The following SLC35F3 variants were observed in gnomAD, a reference collection of about 807,000 sequenced individuals.
SLC35F3 encodes the protein putative thiamine transporter SLC35F3.
Under a neutral mutation model 49.9 loss-of-function variants are expected in SLC35F3, and 25 were observed. That is an observed-to-expected ratio of 0.50 (90% CI 0.37 to 0.70). The LOEUF is 0.70. Among genes scored for constraint, SLC35F3 ranks in the 30% least tolerant of loss-of-function variants. SLC35F3 has a pLI of 0.00. For missense variants in SLC35F3, 525 were observed against 639.8 expected, an observed-to-expected ratio of 0.82 and a Z score of 1.94; for synonymous variants, 275 against 265.4, an observed-to-expected ratio of 1.04 and a Z score of -0.35.
At chr1:233,910,010 G>C (rs957582737) in intron 2 of SLC35F3, among the ~76,000 whole-genome samples, 1 of 152,204 alleles carries the variant, frequency 6.6e-6, no homozygotes, top group Admixed American at 6.5e-5. Flanking sequence ...GGCAGTGCAA[G>C]TGTCTTCTGA....
At chr1:234,307,891 G>T (rs1657238780) in intron 3 of SLC35F3, among the ~76,000 whole-genome samples, 1 of 152,152 alleles carries the variant, frequency 6.6e-6, no homozygotes. Flanking sequence ...AAGGAAAGAG[G>T]CAGCTGTCAA....
chr1:234,296,194 C>A (rs1172215813), intron 3 of SLC35F3, among the ~76,000 whole-genome samples: 1 of 152,140 alleles, frequency 6.6e-6, no homozygotes, highest in East Asian at 1.9e-4. Context: ...CCTGAGCCGC[C>A]TATTCCATTT....
At chr1:234,059,173 G>A (rs4920169) in intron 2 of SLC35F3, among the ~76,000 whole-genome samples, 83,646 of 150,508 alleles carry the variant, frequency 0.56, 24,258 homozygotes, top group Non-Finnish European at 0.66. Context: ...TCTCTATATC[G>A]GTAAGTTCCA....
chr1:234,307,405 G>C (rs1242997658), intron 3 of SLC35F3, among the ~76,000 whole-genome samples: 1 of 152,104 alleles, frequency 6.6e-6, no homozygotes, highest in East Asian at 1.9e-4. Context: ...AATATCCCAG[G>C]CTCTCATGCC....
intron 2 of SLC35F3, among the ~76,000 whole-genome samples, chr1:234,013,129 G>T (rs1405102774): frequency 6.6e-6 from 1 of 152,152 alleles, no homozygotes; most frequent in Admixed American, 6.5e-5. Flanking sequence ...AATTGTATCA[G>T]ATATCTTTTC....
chr1:234,291,193 C>A (rs928203604), intron 3 of SLC35F3, among the ~76,000 whole-genome samples: 2 of 152,200 alleles, frequency 1.3e-5, no homozygotes, highest in African/African-American at 4.8e-5. Flanking sequence ...AAGCAACAGG[C>A]AATACCCGTC....
At chr1:234,149,572 C>T (rs1572070470) in intron 2 of SLC35F3, among the ~76,000 whole-genome samples, 1 of 152,184 alleles carries the variant, frequency 6.6e-6, no homozygotes, top group Non-Finnish European at 1.5e-5. Context: ...TCCCTGATGG[C>T]TTCCTCCATG....
intron 2 of SLC35F3, among the ~76,000 whole-genome samples, chr1:234,069,695 C>G (rs1012463356): frequency 1.3e-5 from 2 of 152,198 alleles, no homozygotes; most frequent in East Asian, 1.9e-4. Context: ...GTCCTCAGAA[C>G]AGGGGTCCCA....
At chr1:234,021,275 G>C (rs1461573557) in intron 2 of SLC35F3, among the ~76,000 whole-genome samples, 2 of 152,170 alleles carry the variant, frequency 1.3e-5, no homozygotes, top group African/African-American at 4.8e-5. Context: ...AAGCTGGGCA[G>C]TAATGGAAGG....
intron 2 of SLC35F3, among the ~76,000 whole-genome samples, chr1:234,106,533 C>T (rs536806517): frequency 4.6e-5 from 7 of 152,252 alleles, no homozygotes; most frequent in African/African-American, 1.7e-4. Context: ...CCTCACATGG[C>T]GTTTCCTCCA....
intron 2 of SLC35F3, among the ~76,000 whole-genome samples, chr1:234,126,167 C>T (rs542722799): frequency 6.6e-6 from 1 of 152,298 alleles, no homozygotes; most frequent in South Asian, 2.1e-4. Flanking sequence ...GGACTATTTT[C>T]TAACTGCATC....
At chr1:234,073,564 T>C (rs1006380631) in intron 2 of SLC35F3, among the ~76,000 whole-genome samples, 11 of 152,156 alleles carry the variant, frequency 7.2e-5, no homozygotes, top group African/African-American at 2.7e-4. Flanking sequence ...GAACAAACCA[T>C]TCAGCCTATC....
chr1:234,094,703 G>C (rs929413848), intron 2 of SLC35F3, among the ~76,000 whole-genome samples: 3 of 152,164 alleles, frequency 2.0e-5, no homozygotes, highest in Non-Finnish European at 4.4e-5. Context: ...GGCATTATAG[G>C]ATTCGGCAGG....
chr1:234,018,517 G>T (rs1432019636), intron 2 of SLC35F3, among the ~76,000 whole-genome samples: 1 of 152,094 alleles, frequency 6.6e-6, no homozygotes, highest in Admixed American at 6.5e-5. Context: ...CTTAGCATGT[G>T]CAAGAGCCTA....
intron 2 of SLC35F3, among the ~76,000 whole-genome samples, chr1:233,965,706 G>A (rs1340952671): frequency 6.6e-6 from 1 of 152,186 alleles, no homozygotes; most frequent in East Asian, 1.9e-4. Context: ...CCAGCCTCCA[G>A]ATGAGAACAC....
At chr1:234,292,081 G>A (rs527248223) in intron 3 of SLC35F3, among the ~76,000 whole-genome samples, 11 of 152,248 alleles carry the variant, frequency 7.2e-5, no homozygotes, top group Non-Finnish European at 1.5e-4. Context: ...GCATCTTGGA[G>A]TGAGGGAGCA....
At chr1:234,294,136 CAA>C (rs1221027366) in intron 3 of SLC35F3, among the ~76,000 whole-genome samples, 2 of 152,204 alleles carry the variant, frequency 1.3e-5, no homozygotes, top group African/African-American at 4.8e-5. Flanking sequence ...CTGAAAATAG[CAA>C]AGAGCATTGC....
chr1:234,050,798 T>A (rs1239683343), intron 2 of SLC35F3, among the ~76,000 whole-genome samples: 1 of 152,232 alleles, frequency 6.6e-6, no homozygotes, highest in East Asian at 1.9e-4. Flanking sequence ...TTAACCCATC[T>A]TGAATTAATT....
At chr1:234,032,379 A>AG (rs1664077206) in intron 2 of SLC35F3, among the ~76,000 whole-genome samples, 1 of 152,060 alleles carries the variant, frequency 6.6e-6, no homozygotes, top group South Asian at 2.1e-4. Context: ...TTAAAAAAAA[A>AG]TTCAATAGGT....
Sources: allele counts gnomAD v4.1 joint callset (sites outside exome capture counted in the v4.1 genomes callset), GRCh38; gene constraint gnomAD v4.1.1; transcripts MANE v1.5; gene names NCBI Gene and HGNC (gene_info 2026-07-23, HGNC 2026-07-21).